Variants in JAM3 observed in about 807,000 individuals in gnomAD.
JAM3 encodes junctional adhesion molecule C.
Under a neutral mutation model 39.4 loss-of-function variants are expected in JAM3, and 31 were observed. That is an observed-to-expected ratio of 0.79 (90% CI 0.59 to 1.06). JAM3 has a LOEUF of 1.06. JAM3 is among the 50% of genes least tolerant of loss of function. The probability of loss-of-function intolerance (pLI) is 0.00; values close to 1 mark genes in which losing one functional copy is unlikely to be tolerated. For synonymous variants in JAM3, 182 were observed against 148.7 expected, an observed-to-expected ratio of 1.22 and a Z score of -1.63; for missense variants, 455 against 391.4, an observed-to-expected ratio of 1.16 and a Z score of -1.37.
chr11:134,126,739 A>G (rs753881728), intron 1 of JAM3, among the ~76,000 whole-genome samples: 76 of 152,316 alleles, frequency 5.0e-4, no homozygotes, highest in Non-Finnish European at 9.0e-4. Context: ...ACTGTGCTAG[A>G]TACCACTGTG....
At chr11:134,124,099 T>C in intron 1 of JAM3, 2 of 1,483,924 alleles carry the variant, frequency 1.3e-6, no homozygotes, top group South Asian at 1.1e-5. Flanking sequence ...TCATCTACTA[T>C]CTGATTAGGG....
Position 134,069,111 on chromosome 11 carries a change from C to T in JAM3, c.28C>T (p.Arg10Trp), listed in dbSNP as rs778328526. The part of the protein sequence containing the change: MALRRPPRL[R>W]LCARLPDFFL... ...GGCGCTGAGGCGGCCACCGCGACTC[C>T]GGCTCTGCGCTCGGCTGCCTGACTT... The change falls in exon 1 of 9, where the codon CGG (arginine) becomes TGG (tryptophan). Residue 10 changes from arginine to tryptophan, a missense_variant. By Grantham distance (101) the Arg-to-Trp change is moderately radical. Transcript: ENST00000299106. The T allele has an allele frequency of 1.5e-5, 24 of 1,612,280 alleles. No individual in the cohort carries two copies. The highest frequency in any genetic ancestry group is 2.0e-5 in the Non-Finnish European group (23 of 1,179,314).
chr11:134,099,073 G>A (rs540916187), intron 1 of JAM3, among the ~76,000 whole-genome samples: 113 of 152,218 alleles, frequency 7.4e-4, no homozygotes, highest in African/African-American at 2.6e-3. Flanking sequence ...GGTGGTGCAT[G>A]CCTGTAGTCC....
At chr11:134,106,257 T>C (rs1942183301) in intron 1 of JAM3, among the ~76,000 whole-genome samples, 1 of 152,128 alleles carries the variant, frequency 6.6e-6, no homozygotes, top group Admixed American at 6.5e-5. Flanking sequence ...AAGGATTCCC[T>C]ATTTAATAAA....
At chr11:134,091,987 TG>T (rs1270149143) in intron 1 of JAM3, among the ~76,000 whole-genome samples, 3 of 152,180 alleles carry the variant, frequency 2.0e-5, no homozygotes, top group Non-Finnish European at 4.4e-5. Context: ...TAGTCATTTC[TG>T]TACATTTTAA....
At chr11:134,114,111 A>T (rs1296908231) in intron 1 of JAM3, among the ~76,000 whole-genome samples, 5 of 152,114 alleles carry the variant, frequency 3.3e-5, no homozygotes, top group East Asian at 1.9e-4. Context: ...TCAGATGAGT[A>T]GGTTGCAAAA....
intron 1 of JAM3, among the ~76,000 whole-genome samples, chr11:134,072,980 C>T (rs902778171): frequency 2.6e-5 from 4 of 152,202 alleles, no homozygotes; most frequent in African/African-American, 7.2e-5. Context: ...ATGCAAATTT[C>T]AGATCTTTGC....
At chr11:134,075,442 G>T (rs1451013905) in intron 1 of JAM3, among the ~76,000 whole-genome samples, 1 of 152,146 alleles carries the variant, frequency 6.6e-6, no homozygotes, top group East Asian at 1.9e-4. Context: ...AATAACACCT[G>T]CCAATTACTG....
intron 1 of JAM3, among the ~76,000 whole-genome samples, chr11:134,113,003 A>G (rs1025085154): frequency 2.0e-5 from 3 of 152,012 alleles, no homozygotes; most frequent in African/African-American, 7.2e-5. Context: ...TCAACAGAGC[A>G]CTCCAGTCCA....
intron 1 of JAM3, among the ~76,000 whole-genome samples, chr11:134,128,319 C>T (rs989534785): frequency 6.6e-6 from 1 of 152,218 alleles, no homozygotes; most frequent in Non-Finnish European, 1.5e-5. Flanking sequence ...ACTCACCTCT[C>T]TCTGAGCTGG....
chr11:134,139,240 A>T (rs533621106), intron 1 of JAM3, among the ~76,000 whole-genome samples: 32 of 152,218 alleles, frequency 2.1e-4, no homozygotes, highest in Non-Finnish European at 3.8e-4. Flanking sequence ...TTCATCAATG[A>T]TATAAACTCA....
intron 1 of JAM3, among the ~76,000 whole-genome samples, chr11:134,137,534 T>C (rs1942889462): frequency 6.6e-6 from 1 of 152,246 alleles, no homozygotes; most frequent in South Asian, 2.1e-4. Context: ...AGGTCCTTGA[T>C]GGTCTTTGGG....
chr11:134,083,279 C>T lies in JAM3; in HGVS notation c.76+14120C>T, dbSNP rs566388689. ...ATCTACCTCCGGTGTCCATTTACAG[C>T]AGATCGCTCCCTCCCTTTCCCTATT... is the stretch of plus-strand genomic sequence containing the variant. On this transcript the variant is annotated intron_variant, in intron 1 of 8. Coordinates refer to ENST00000299106, the MANE Select transcript of JAM3 (RefSeq NM_032801.5). 2.0e-5 allele frequency among the ~76,000 whole-genome samples: 3 copies of T among 152,288 alleles called. No homozygotes were observed. In the East Asian group the frequency reaches 5.8e-4, roughly 29 times the overall value.
intron 1 of JAM3, among the ~76,000 whole-genome samples, chr11:134,102,965 C>A (rs1942104465): frequency 6.6e-6 from 1 of 152,144 alleles, no homozygotes; most frequent in Non-Finnish European, 1.5e-5. Context: ...AGAACTTCCC[C>A]AACCTAGCAA....
intron 1 of JAM3, among the ~76,000 whole-genome samples, chr11:134,084,309 A>G (rs1565483078): frequency 6.6e-6 from 1 of 152,192 alleles, no homozygotes; most frequent in Admixed American, 6.5e-5. Context: ...CTGAATTCCT[A>G]TCATGAAGGA....
At chr11:134,118,041 A>C (rs1421530660) in intron 1 of JAM3, among the ~76,000 whole-genome samples, 1 of 152,226 alleles carries the variant, frequency 6.6e-6, no homozygotes. Flanking sequence ...ACATGCAAAT[A>C]GTGTTTATGG....
At chr11:134,099,791 G>C (rs1028825943) in intron 1 of JAM3, among the ~76,000 whole-genome samples, 5 of 152,132 alleles carry the variant, frequency 3.3e-5, no homozygotes, top group Admixed American at 1.3e-4. Flanking sequence ...ATTTTTAGTA[G>C]AGACGGGGTT....
intron 1 of JAM3, among the ~76,000 whole-genome samples, chr11:134,090,893 C>T (rs1292173323): frequency 3.3e-5 from 5 of 152,154 alleles, no homozygotes; most frequent in African/African-American, 4.8e-5. Context: ...AATTTCAAGT[C>T]CCAAACTTGA....
At chr11:134,072,739 G>T (rs1462619326) in intron 1 of JAM3, among the ~76,000 whole-genome samples, 1 of 152,170 alleles carries the variant, frequency 6.6e-6, no homozygotes, top group Non-Finnish European at 1.5e-5. Flanking sequence ...ATGAAGCCCT[G>T]TCTCTACTAA....
Sources: gnomAD v4.1 joint callset for allele counts (sites outside exome capture counted in the v4.1 genomes callset) on GRCh38, gnomAD v4.1.1 for gene constraint, MANE v1.5 for transcripts, NCBI Gene and HGNC (gene_info 2026-07-23, HGNC 2026-07-21) for gene names.